COL22A1: variants seen among roughly 807,000 people sequenced by gnomAD.
COL22A1 encodes the protein collagen type XXII alpha 1 chain.
In COL22A1, 221 loss-of-function variants were observed where a neutral mutation model predicts 248.9. That is an observed-to-expected ratio of 0.89 (90% CI 0.80 to 0.99). COL22A1 has a LOEUF of 0.99. Ranked by LOEUF, COL22A1 falls within the 50% of genes least tolerant of loss-of-function variation. COL22A1 has a pLI of 0.00. For synonymous variants in COL22A1, 891 were observed against 793.4 expected (o/e 1.12, Z -2.07); for missense variants, 2,240 against 2,179.0 (o/e 1.03, Z -0.56).
intron 17 of COL22A1, among the ~76,000 whole-genome samples, chr8:138,760,748 G>C (rs1221227194): frequency 1.3e-5 from 2 of 152,170 alleles, no homozygotes; most frequent in East Asian, 3.9e-4. Flanking sequence ...GGGCCACAGG[G>C]AAATCAAAGT....
intron 5 of COL22A1, among the ~76,000 whole-genome samples, chr8:138,829,777 A>AT (rs200026556): frequency 0.015 from 2,312 of 151,914 alleles, 33 homozygotes; most frequent in Non-Finnish European, 0.025. Context: ...CAATTATGCT[A>AT]TTTTTTTTCC....
intron 50 of COL22A1, 68 bp downstream of exon 50, chr8:138,630,627 C>G (rs1438373527): frequency 7.7e-6 from 11 of 1,423,124 alleles, no homozygotes; most frequent in African/African-American, 1.4e-5. Context: ...GCAGAATTGG[C>G]AAACACCTGG....
At chr8:138,603,587 C>A (rs772563916) in intron 59 of COL22A1, among the ~76,000 whole-genome samples, 7 of 152,226 alleles carry the variant, frequency 4.6e-5, no homozygotes, top group Non-Finnish European at 1.0e-4. Context: ...GTGTAGGCAG[C>A]AGCCCAAGTA....
intron 4 of COL22A1, among the ~76,000 whole-genome samples, chr8:138,836,578 T>C (rs777863380): frequency 2.6e-5 from 4 of 152,168 alleles, no homozygotes; most frequent in Non-Finnish European, 4.4e-5. Context: ...AAACTCTAGA[T>C]AAACATGCGG....
intron 28 of COL22A1, 55 bp downstream of exon 28, chr8:138,716,770 G>A (rs541025989): frequency 1.8e-4 from 226 of 1,255,148 alleles, no homozygotes; most frequent in African/African-American, 5.4e-4. Context: ...AAGATGTAGC[G>A]TATAACAATG....
chr8:138,768,232 G>A (rs544423992), intron 16 of COL22A1, among the ~76,000 whole-genome samples: 49 of 152,254 alleles, frequency 3.2e-4, no homozygotes, highest in Non-Finnish European at 5.4e-4. Context: ...GGATGCAGCC[G>A]CCTCCTCAGC....
chr8:138,602,196 C>A (rs375264517), intron 59 of COL22A1, 37 bp from the exon 60 acceptor site: 2 of 1,608,668 alleles, frequency 1.2e-6, no homozygotes, highest in African/African-American at 2.7e-5. Flanking sequence ...TTGCCCCGGG[C>A]CCTCTGCACT....
chr8:138,854,056 G>A (rs1190328916), intron 3 of COL22A1, among the ~76,000 whole-genome samples: 1 of 152,198 alleles, frequency 6.6e-6, no homozygotes, highest in African/African-American at 2.4e-5. Flanking sequence ...TGGTAGAGAT[G>A]GTGGCTGTGA....
At chr8:138,755,650 A>G in intron 19 of COL22A1, 135 bp downstream of exon 19, 2 of 1,345,668 alleles carry the variant, frequency 1.5e-6, no homozygotes, top group Non-Finnish European at 2.1e-6. Flanking sequence ...ATTCTGCCCC[A>G]TTTTTAGTGT....
chr8:138,768,556 T>C (rs896758124), intron 16 of COL22A1, among the ~76,000 whole-genome samples: 1 of 152,208 alleles, frequency 6.6e-6, no homozygotes, highest in African/African-American at 2.4e-5. Flanking sequence ...ATATGTAAAG[T>C]ACCCTTCATT....
At chr8:138,639,361 T>A (rs1456470620) in intron 47 of COL22A1, among the ~76,000 whole-genome samples, 2 of 152,202 alleles carry the variant, frequency 1.3e-5, no homozygotes, top group African/African-American at 4.8e-5. Context: ...TGATGCCTTA[T>A]CCAACAGGTT....
At chr8:138,855,433 T>C (rs11777748) in intron 3 of COL22A1, among the ~76,000 whole-genome samples, 29,856 of 152,206 alleles carry the variant, frequency 0.2, 3,196 homozygotes, top group Middle Eastern at 0.29. Context: ...TGCATGCTCC[T>C]TGCTGCTGCC....
In COL22A1 at chr8:138,594,177, G is replaced by T; in HGVS notation, c.4455C>A (p.Ala1485=). The T allele has an allele frequency of 1.9e-6, 3 of 1,571,242 alleles. No homozygotes were observed. The highest frequency in any genetic ancestry group is 2.6e-6 in the Non-Finnish European group (3 of 1,164,838). ...QLETRLAYLL[A]QMPPAYMKSS... ...ACTTCATGTACGCCGGGGGCATCTG[G>T]GCCAGGAGGTAGGCGAGTCTGGCTG... The change falls in exon 63 of 65, where the codon GCC becomes GCA. Residue 1485 remains alanine, a synonymous_variant. Transcript: ENST00000303045.
intron 2 of COL22A1, among the ~76,000 whole-genome samples, chr8:138,882,679 C>T (rs1352590201): frequency 6.6e-6 from 1 of 151,360 alleles, no homozygotes; most frequent in Non-Finnish European, 1.5e-5. Context: ...CTCACACTCC[C>T]ATACACTCCC....
intron 49 of COL22A1, among the ~76,000 whole-genome samples, chr8:138,632,127 GCA>G (rs1356091372): frequency 6.6e-6 from 1 of 152,142 alleles, no homozygotes; most frequent in Non-Finnish European, 1.5e-5. Flanking sequence ...GCTGGAAATT[GCA>G]CATGCCATTA....
At chr8:138,679,814 T>C in intron 39 of COL22A1, 138 bp from the exon 40 acceptor site, 2 of 755,406 alleles carry the variant, frequency 2.6e-6, no homozygotes, top group Non-Finnish European at 4.6e-6. Flanking sequence ...CTGGCACAGG[T>C]GGCAGCTAAT....
At chr8:138,910,790 C>T (rs1013422313) in intron 1 of COL22A1, among the ~76,000 whole-genome samples, 4 of 152,176 alleles carry the variant, frequency 2.6e-5, no homozygotes, top group African/African-American at 9.6e-5. Context: ...ATCCTGCTTC[C>T]TCTTTGTTCC....
At chr8:138,841,458 G>A (rs1231855509) in intron 4 of COL22A1, among the ~76,000 whole-genome samples, 1 of 152,134 alleles carries the variant, frequency 6.6e-6, no homozygotes, top group Non-Finnish European at 1.5e-5. Context: ...TGGGCTTTGG[G>A]GGATGAATAG....
intron 10 of COL22A1, among the ~76,000 whole-genome samples, chr8:138,807,200 TC>T (rs757564010): frequency 1.3e-4 from 20 of 152,014 alleles, no homozygotes; most frequent in Non-Finnish European, 1.9e-4. Flanking sequence ...CCCAGCTGTC[TC>T]CAGTGATTTT....
Sources: allele counts gnomAD v4.1 joint callset (sites outside exome capture counted in the v4.1 genomes callset), GRCh38; gene constraint gnomAD v4.1.1; transcripts MANE v1.5; gene names NCBI Gene and HGNC (gene_info 2026-07-23, HGNC 2026-07-21).